The following ITGAV variants were observed in gnomAD, a reference collection of about 807,000 sequenced individuals.
ITGAV encodes the protein integrin subunit alpha V, also known as integrin alpha-V.
A neutral mutation model predicts 143.8 loss-of-function variants in ITGAV; 76 were observed. That is an observed-to-expected ratio of 0.53 (90% confidence interval 0.44 to 0.64). The LOEUF is 0.64. ITGAV is among the 30% of genes least tolerant of loss of function. The pLI is 0.00. For synonymous variants in ITGAV, 453 were observed against 446.7 expected, an observed-to-expected ratio of 1.01 and a Z score of -0.18; for missense variants, 1,193 against 1,274.7, an observed-to-expected ratio of 0.94 and a Z score of 0.98.
chr2:186,648,046 T>C (rs1266581606), intron 13 of ITGAV, among the ~76,000 whole-genome samples: 2 of 152,246 alleles, frequency 1.3e-5, no homozygotes, highest in Non-Finnish European at 1.5e-5. Context: ...TTTTATATGC[T>C]ATTCATAGTG....
chr2:186,628,456 A>G (rs1687734000), intron 4 of ITGAV, among the ~76,000 whole-genome samples: 3 of 152,098 alleles, frequency 2.0e-5, no homozygotes, highest in Non-Finnish European at 2.9e-5. Flanking sequence ...TCAGCTTTTC[A>G]TAACTGCATG....
In ITGAV at chr2:186,625,707, CAT is replaced by C. The variant is rs142043841; in HGVS notation, c.523+123_523+124del. The stretch of plus-strand genomic sequence containing the variant: ...AGAGAGAGATATTAAAAGATATAGA[CAT>C]ATTATGATGATAACAAAATGAAAAC... On this transcript the variant is annotated intron_variant, in intron 4 of 29. Coordinates refer to ENST00000261023, the MANE Select transcript of ITGAV (RefSeq NM_002210.5). 6.5e-4 allele frequency: 322 copies of C among 497,018 alleles called. No individual in the cohort carries two copies. In the East Asian group the frequency reaches 1.0e-2, roughly 15 times the overall value. 30.8% of individuals were successfully genotyped at this position (497,018 alleles called of 1,614,324 possible). A position where few individuals can be genotyped will look rare whatever the true frequency, so the allele number is the denominator to read the frequency against.
At position 186,640,857 on chromosome 2, in the gene ITGAV, T is replaced by C. The variant is rs1574484516; in HGVS notation, c.904-58T>C. 3 of 1,347,552 alleles carry C rather than the reference T, an allele frequency of 2.2e-6. No homozygotes were observed. In the East Asian group the frequency reaches 7.4e-5, roughly 33 times the overall value. The allele number at this position is 1,347,552 out of a possible 1,614,324, so 83.5% of individuals were successfully genotyped here. On this transcript the variant is annotated intron_variant, in intron 10 of 29. Coordinates refer to ENST00000261023, the MANE Select transcript of ITGAV (RefSeq NM_002210.5). ...TATTTGGTACATATATTACAAATGTTAATTGTCTAAACTAATTGGATGAAA... is the reference window on the plus strand; with the variant it reads ...TATTTGGTACATATATTACAAATGTCAATTGTCTAAACTAATTGGATGAAA...
intron 10 of ITGAV, among the ~76,000 whole-genome samples, chr2:186,639,844 A>C (rs904675626): frequency 3.9e-5 from 6 of 152,192 alleles, no homozygotes; most frequent in African/African-American, 1.2e-4. Context: ...TACACTTCCA[A>C]GCCAAACACC....
intron 26 of ITGAV, among the ~76,000 whole-genome samples, chr2:186,674,309 T>C (rs1368366032): frequency 1.3e-5 from 2 of 152,132 alleles, no homozygotes; most frequent in Admixed American, 6.5e-5. Flanking sequence ...GTTTTCTTAA[T>C]TTCTTTTTTG....
chr2:186,653,301 T>C (rs78991459), intron 15 of ITGAV, among the ~76,000 whole-genome samples: 3,433 of 152,180 alleles, frequency 0.023, 126 homozygotes, highest in African/African-American at 0.076. Flanking sequence ...CTCATACATA[T>C]CAATATAAAT....
At chr2:186,602,194 A>C in intron 2 of ITGAV, 43 bp downstream of exon 2, 5 of 1,442,252 alleles carry the variant, frequency 3.5e-6, no homozygotes, top group Non-Finnish European at 3.8e-6. Flanking sequence ...ATTTCATTTG[A>C]TTTTTTTTTT....
chr2:186,648,020 A>G (rs1688310016), intron 13 of ITGAV, among the ~76,000 whole-genome samples: 1 of 152,188 alleles, frequency 6.6e-6, no homozygotes, highest in Non-Finnish European at 1.5e-5. Flanking sequence ...ACATTTTTTT[A>G]AAAAGGAAAT....
intron 2 of ITGAV, among the ~76,000 whole-genome samples, chr2:186,604,598 T>G (rs1245491812): frequency 6.6e-6 from 1 of 152,178 alleles, no homozygotes; most frequent in Non-Finnish European, 1.5e-5. Flanking sequence ...TTTACACCCC[T>G]CCAGTTGTGT....
rs200562291 is a variant in ITGAV, at chr2:186,679,245, C to G, written c.*1953C>G. 3.3e-5 allele frequency: 5 copies of G among 152,096 alleles called. No homozygotes were observed. The South Asian group carries it at 8.3e-4, about 25-fold the overall frequency. The allele number at this position is 152,096 out of a possible 1,614,324, so 9.4% of individuals were successfully genotyped here. ...AAAATATGTTGGATAGAAAGTCACT[C>G]TTTGGCAAAAGTGTTAGAATTTGCT... On this transcript the variant is annotated 3_prime_UTR_variant, in exon 30 of 30. Coordinates refer to ENST00000261023, the MANE Select transcript of ITGAV (RefSeq NM_002210.5).
rs202001919 is a variant in ITGAV, at chr2:186,677,220, G to T, written c.3075G>T (p.Arg1025=). ...AGATGGGCTTTTTTAAACGGGTCCG[G>T]CCACCTCAAGAAGAACAAGAAAGGG... ...MYRMGFFKRV[R]PPQEEQEREQ... Residue 1025 remains arginine, a synonymous_variant, in exon 30 of 30, where the codon CGG becomes CGT. Transcript: ENST00000261023. 5.0e-6 allele frequency: 8 copies of T among 1,613,600 alleles called. No homozygotes were observed. In the East Asian group the frequency reaches 1.6e-4, roughly 31 times the overall value.
intron 17 of ITGAV, among the ~76,000 whole-genome samples, chr2:186,658,620 A>G (rs1688653458): frequency 2.0e-5 from 3 of 152,176 alleles, no homozygotes. Flanking sequence ...ATGCAATAGA[A>G]TGGATGGATC....
Position 186,641,427 on chromosome 2 carries a change from G to T in ITGAV, c.998G>T (p.Arg333Leu), listed in dbSNP as rs1367895529. Reference protein sequence around the residue: ...VFIGAPLFMDRGSDGKLQEVG... With the variant: ...VFIGAPLFMDLGSDGKLQEVG... ...ATTGGAGCACCTCTCTTCATGGATCGTGGCTCTGATGGCAAACTCCAAGAG... is the reference window on the plus strand; with the variant it reads ...ATTGGAGCACCTCTCTTCATGGATCTTGGCTCTGATGGCAAACTCCAAGAG... The change falls in exon 12 of 30, where the codon CGT becomes CTT. Residue 333 changes from arginine (R) to leucine (L), a missense_variant. Transcript: ENST00000261023. 1 of 1,614,148 alleles carries T rather than the reference G, an allele frequency of 6.2e-7. No homozygotes were observed.
chr2:186,639,179 G>A (rs905172500), intron 10 of ITGAV, among the ~76,000 whole-genome samples: 1 of 152,036 alleles, frequency 6.6e-6, no homozygotes, highest in Non-Finnish European at 1.5e-5. Flanking sequence ...TGCGAGTACA[G>A]GCATTTTATA....
At chr2:186,662,213 G>A (rs1688767455) in intron 18 of ITGAV, among the ~76,000 whole-genome samples, 1 of 152,116 alleles carries the variant, frequency 6.6e-6, no homozygotes. Context: ...TATCTGTAAA[G>A]TCCACACTTT....
At chr2:186,669,516 A>G (rs1190960951) in intron 25 of ITGAV, among the ~76,000 whole-genome samples, 185 bp from the exon 26 acceptor site, 3 of 152,216 alleles carry the variant, frequency 2.0e-5, no homozygotes, top group African/African-American at 4.8e-5. Flanking sequence ...TTTTTGGTAC[A>G]TATTAAAGAC....
intron 26 of ITGAV, among the ~76,000 whole-genome samples, chr2:186,671,384 C>T (rs1689058553): frequency 1.3e-5 from 2 of 152,056 alleles, no homozygotes; most frequent in Non-Finnish European, 2.9e-5. Flanking sequence ...ACAGATAGCC[C>T]CAAGCATGTT....
chr2:186,664,770 G>C, intron 20 of ITGAV, 129 bp downstream of exon 20: 1 of 1,096,934 alleles, frequency 9.1e-7, no homozygotes, highest in South Asian at 1.5e-5. Flanking sequence ...AGACAATGGA[G>C]TGCCTATCTT....
At chr2:186,639,917 CA>C (rs1688055543) in intron 10 of ITGAV, among the ~76,000 whole-genome samples, 1 of 152,138 alleles carries the variant, frequency 6.6e-6, no homozygotes, top group Non-Finnish European at 1.5e-5. Context: ...CCTTGTACCC[CA>C]AACACAGTAT....
Sources: allele counts gnomAD v4.1 joint callset (sites outside exome capture counted in the v4.1 genomes callset), GRCh38; gene constraint gnomAD v4.1.1; transcripts MANE v1.5; gene names NCBI Gene and HGNC (gene_info 2026-07-23, HGNC 2026-07-21).